PDIA3: variants seen among roughly 807,000 people sequenced by gnomAD.
PDIA3 encodes protein disulfide-isomerase A3.
A neutral mutation model predicts 56.9 loss-of-function variants in PDIA3; 16 were observed. The observed-to-expected ratio is 0.28, with a 90% confidence interval of 0.19 to 0.43. The LOEUF (loss-of-function observed/expected upper bound fraction) is 0.43. Among genes scored for constraint, PDIA3 ranks in the 20% least tolerant of loss-of-function variants. The pLI is 1.00. For missense variants in PDIA3, 485 were observed against 621.3 expected (o/e 0.78, Z 2.33); for synonymous variants, 192 against 216.5 (o/e 0.89, Z 0.99).
rs1203093546 is a variant in PDIA3 at position 43,753,897 on chromosome 15, G to A, written c.241G>A (p.Ala81Thr). The change falls in exon 2 of 13, where the codon GCA becomes ACA. Residue 81 changes from alanine (A) to threonine (T), a missense_variant. Transcript: ENST00000300289. ...CAGATTAAAAGGAATAGTCCCATTA[G>A]CAAAGGTAAGTACAGGTGGATTCTT... The part of the protein sequence containing the change: ...ATRLKGIVPL[A>T]KVDCTANTNT... The A allele has an allele frequency of 3.1e-6, 5 of 1,608,392 alleles. No individual in the cohort carries two copies. Among genetic ancestry groups the A allele is most frequent in the Non-Finnish European group, 4.3e-6 (5 of 1,174,822 alleles).
chr15:43,767,033 C>G, intron 8 of PDIA3, 123 bp downstream of exon 8: 2 of 882,596 alleles, frequency 2.3e-6, no homozygotes, highest in East Asian at 4.9e-5. Context: ...AGACCTATGA[C>G]TGTCATTTTT....
intron 1 of PDIA3, among the ~76,000 whole-genome samples, chr15:43,752,001 A>G (rs1275189303): frequency 6.6e-6 from 1 of 152,098 alleles, no homozygotes; most frequent in Non-Finnish European, 1.5e-5. Flanking sequence ...TTCCGGTCCA[A>G]GCTTTTATTG....
chr15:43,771,891 C>T lies in PDIA3; in HGVS notation c.*673C>T, dbSNP rs2086884264. The T allele has an allele frequency of 8.8e-6, 3 of 342,164 alleles. No homozygotes were observed. Among genetic ancestry groups the T allele is most frequent in the Admixed American group, 4.8e-5 (1 of 20,952 alleles). 21.2% of individuals were successfully genotyped at this position (342,164 alleles called of 1,614,324 possible). A position where few individuals can be genotyped will look rare whatever the true frequency, so the allele number is the denominator to read the frequency against. ...GCCTTTCTTGTTAGGCTGTCCATGC[C>T]CTAAGGATGGGTTCCTGTTTATCCT... On this transcript the variant is annotated 3_prime_UTR_variant, in exon 13 of 13. Transcript: ENST00000300289.
chr15:43,760,503 T>C (rs1294319037), intron 3 of PDIA3, among the ~76,000 whole-genome samples: 1 of 150,470 alleles, frequency 6.6e-6, no homozygotes, highest in Non-Finnish European at 1.5e-5. Context: ...CTATGCATTG[T>C]AAACAATGTT....
At chr15:43,746,892 C>T (rs557680368) in intron 1 of PDIA3, 186 bp downstream of exon 1, 18 of 653,722 alleles carry the variant, frequency 2.8e-5, no homozygotes, top group South Asian at 9.5e-5. Context: ...CGGTGCTGAT[C>T]GGCCCAAGGA....
chr15:43,758,448 C>G (rs1046607494), intron 3 of PDIA3, among the ~76,000 whole-genome samples: 1 of 151,916 alleles, frequency 6.6e-6, no homozygotes, highest in African/African-American at 2.4e-5. Flanking sequence ...CATTTGAGAT[C>G]AGGAGTTTGA....
chr15:43,763,399 C>T (rs1197070362), intron 5 of PDIA3, among the ~76,000 whole-genome samples, 193 bp downstream of exon 5: 4 of 152,104 alleles, frequency 2.6e-5, no homozygotes, highest in African/African-American at 7.2e-5. Context: ...AGTACAGGCA[C>T]GCGCCACCAC....
At position 43,753,846 on chromosome 15, in the gene PDIA3, G is replaced by A. The variant is rs924815392; in HGVS notation, c.190G>A (p.Ala64Thr). 6.2e-7 allele frequency: 1 copy of A among 1,613,456 alleles called. No individual in the cohort carries two copies. The highest frequency in any genetic ancestry group is 8.5e-7 in the Non-Finnish European group (1 of 1,179,516). Residue 64 changes from alanine to threonine, a missense_variant, in exon 2 of 13, where the codon GCA becomes ACA. Ala to Thr is a moderately conservative substitution (Grantham distance 58, BLOSUM62 0). Transcript: ENST00000300289. ...APWCGHCKRL[A>T]PEYEAAATRL... is the part of the protein sequence containing the mutation. ...TAGGTGTGGACACTGCAAGAGACTTGCACCTGAGTATGAAGCTGCAGCTAC... is the reference window on the plus strand; with the variant it reads ...TAGGTGTGGACACTGCAAGAGACTTACACCTGAGTATGAAGCTGCAGCTAC...
chr15:43,750,171 A>ATTT (rs781370240), intron 1 of PDIA3, among the ~76,000 whole-genome samples: 4 of 117,386 alleles, frequency 3.4e-5, no homozygotes, highest in Admixed American at 8.8e-5. Flanking sequence ...TGTCTGGCTA[A>ATTT]TTTTTTTTTT....
At chr15:43,767,705 G>GGTT (rs1316546863) in intron 8 of PDIA3, among the ~76,000 whole-genome samples, 1 of 149,484 alleles carries the variant, frequency 6.7e-6, no homozygotes, top group Non-Finnish European at 1.5e-5. Context: ...GGGAGGAAGA[G>GGTT]GTTGCAGTGA....
At chr15:43,756,898 G>T in intron 3 of PDIA3, 132 bp downstream of exon 3, 1 of 570,634 alleles carries the variant, frequency 1.8e-6, no homozygotes, top group East Asian at 2.7e-5. Flanking sequence ...GGTCAGTTTG[G>T]TGGTAACAAA....
chr15:43,762,358 A>G (rs1317377592), intron 4 of PDIA3, among the ~76,000 whole-genome samples: 1 of 152,096 alleles, frequency 6.6e-6, no homozygotes, highest in African/African-American at 2.4e-5. Context: ...CTAAAAATAC[A>G]AAATTAGCCG....
intron 6 of PDIA3, 38 bp from the exon 7 acceptor site, chr15:43,765,848 AC>A: frequency 6.3e-7 from 1 of 1,586,626 alleles, no homozygotes; most frequent in Non-Finnish European, 8.5e-7. Context: ...ATAGCTAAAA[AC>A]TTGGCAAGCC....
rs764550382 is a variant in PDIA3, at chr15:43,761,534, A to G, written c.472+3A>G. Reference sequence around the variant, plus strand: ...TGATAAAGATGCCTCTATAGTAGGTAAGTAGCAAATATTAAACCGTGCCAC... The same window carrying G: ...TGATAAAGATGCCTCTATAGTAGGTGAGTAGCAAATATTAAACCGTGCCAC... On this transcript the variant is annotated splice_donor_region_variant and intron_variant, in intron 4 of 12. Coordinates refer to ENST00000300289, the MANE Select transcript of PDIA3 (RefSeq NM_005313.5). The G allele has an allele frequency of 1.5e-6, 2 of 1,362,644 alleles. No individual in the cohort carries two copies. The highest frequency in any genetic ancestry group is 2.4e-5 in the South Asian group (2 of 83,034). The allele number at this position is 1,362,644 out of a possible 1,614,324, so 84.4% of individuals were successfully genotyped here.
At chr15:43,766,940 A>G (rs1409955857) in intron 8 of PDIA3, 30 bp downstream of exon 8, 2 of 1,598,582 alleles carry the variant, frequency 1.3e-6, no homozygotes, top group African/African-American at 2.7e-5. Context: ...TTGATTCTCC[A>G]AGGCAATTAT....
intron 3 of PDIA3, among the ~76,000 whole-genome samples, chr15:43,760,063 C>G (rs764346386): frequency 6.6e-6 from 1 of 151,848 alleles, no homozygotes; most frequent in Non-Finnish European, 1.5e-5. Context: ...CCATTGCACT[C>G]CAGCCTGGGT....
At chr15:43,753,726 C>G in intron 1 of PDIA3, 98 bp from the exon 2 acceptor site, 1 of 850,290 alleles carries the variant, frequency 1.2e-6, no homozygotes, top group Non-Finnish European at 2.0e-6. Context: ...TCTACTAGCT[C>G]AAAGGTAGTA....
chr15:43,769,135 A>ACT (rs2086866304), intron 9 of PDIA3, among the ~76,000 whole-genome samples: 4 of 152,172 alleles, frequency 2.6e-5, no homozygotes, highest in African/African-American at 9.6e-5. Flanking sequence ...ACTCTTGAGG[A>ACT]TAGAGCAACC....
chr15:43,746,681 A>T lies in PDIA3; in HGVS notation c.142A>T (p.Met48Leu). 1 of 1,612,912 alleles carries T rather than the reference A, an allele frequency of 6.2e-7. No homozygotes were observed. Among genetic ancestry groups the T allele is most frequent in the Non-Finnish European group, 8.5e-7 (1 of 1,179,880 alleles). The change falls in exon 1 of 13, where the codon ATG becomes TTG. Residue 48 changes from methionine to leucine, a missense_variant. Met to Leu is a conservative substitution (Grantham distance 15). Coordinates refer to ENST00000300289, the MANE Select transcript of PDIA3 (RefSeq NM_005313.5). ...RISDTGSAGLMLVEFFAPWCG... is the reference protein window; with the variant it reads ...RISDTGSAGLLLVEFFAPWCG... The stretch of plus-strand genomic sequence containing the variant: ...CTCCGACACGGGCTCTGCGGGCCTC[A>T]TGCTCGTCGAGTTCTTCGCCCCCTG...
Sources: allele counts gnomAD v4.1 joint callset (sites outside exome capture counted in the v4.1 genomes callset), GRCh38; gene constraint gnomAD v4.1.1; transcripts MANE v1.5; gene names NCBI Gene and HGNC (gene_info 2026-07-23, HGNC 2026-07-21).